The following ANK2 variants were observed in gnomAD, a reference collection of about 807,000 sequenced individuals.
ANK2 encodes the protein ankyrin-2.
Under a neutral mutation model 360.5 loss-of-function variants are expected in ANK2, and 83 were observed. The ratio of observed to expected loss-of-function variants is 0.23; its 90% CI spans 0.19 to 0.28. ANK2 has a LOEUF of 0.28. Among genes scored for constraint, ANK2 ranks in the 10% least tolerant of loss-of-function variants. The probability of loss-of-function intolerance (pLI) is 1.00; values close to 1 mark genes in which losing one functional copy is unlikely to be tolerated. For synonymous variants in ANK2, 1,740 were observed against 1,759.5 expected (o/e 0.99, Z 0.28); for missense variants, 4,201 against 4,795.7 (o/e 0.88, Z 3.66).
rs989939733 is a variant in ANK2, at chr4:112,900,765, G to A, written c.-39-3690G>A. Among the ~76,000 whole-genome samples the A allele has an allele frequency of 5.9e-5, 9 of 152,140 alleles. No homozygotes were observed. In the East Asian group the frequency reaches 1.5e-3, roughly 26 times the overall value. On this transcript the variant is annotated intron_variant, in intron 1 of 30. Transcript: ENST00000503271. ...ACTCAGCTTAAGTTTCATCACCTCT[G>A]TGAAGATTACCCTCCACCAAGCCCT...
chr4:112,788,698 T>C, the ANK2 span: 4 of 1,598,102 alleles, frequency 2.5e-6, no homozygotes, highest in Non-Finnish European at 3.4e-6. Context: ...TGCAACCTGA[T>C]ATAGCGGGGC....
chr4:113,084,120 C>T (rs555756075), intron 1 of ANK2, among the ~76,000 whole-genome samples: 1 of 152,308 alleles, frequency 6.6e-6, no homozygotes, highest in African/African-American at 2.4e-5. Context: ...TGACATCCAG[C>T]TGGTCCACTG....
chr4:113,287,698 A>G lies in ANK2; in HGVS notation c.2173A>G (p.Thr725Ala). 1 of 1,607,218 alleles carries G rather than the reference A, an allele frequency of 6.2e-7. No homozygotes were observed. Among genetic ancestry groups the G allele is most frequent in the Non-Finnish European group, 8.5e-7 (1 of 1,173,882 alleles). The change falls in exon 19 of 46, where the codon ACA (threonine) becomes GCA (alanine). Residue 725 changes from threonine (T) to alanine (A), a missense_variant. Thr to Ala is a moderately conservative substitution (Grantham distance 58, BLOSUM62 0). Around this residue, in one of 4 missense-constraint regions of ANK2, gnomAD observed 1,268 missense variants for 1,650.8 expected, o/e 0.77. Transcript: ENST00000357077. ...GCATGGAGCTGATCAGGATGCTCAT[A>G]CAAAGGTAAAGCAAATCACTCTCAG... Reference protein sequence around the residue: ...TKHGADQDAHTKLGYTPLIVA... With the variant: ...TKHGADQDAHAKLGYTPLIVA...
In ANK2 at chr4:113,314,650, G is replaced by C. The variant is rs146192191; in HGVS notation, c.2694-3057G>C. The stretch of plus-strand genomic sequence containing the variant: ...AGAGTGAACAATTTCTGATCCAAGG[G>C]CTTAAATTATTCCAGACCTTTGTCA... On this transcript the variant is annotated intron_variant, in intron 24 of 45. Coordinates refer to ENST00000357077, the MANE Select transcript of ANK2 (RefSeq NM_001148.6). Among the ~76,000 whole-genome samples the C allele has an allele frequency of 3.2e-3, 482 of 152,176 alleles. 1 individual carries two copies. Among genetic ancestry groups the C allele is most frequent in the African/African-American group, 0.011 (467 of 41,532 alleles).
intron 26 of ANK2, among the ~76,000 whole-genome samples, chr4:113,327,759 G>A (rs2090750497): frequency 6.6e-6 from 1 of 152,202 alleles, no homozygotes; most frequent in African/African-American, 2.4e-5. Context: ...CTTACACCAT[G>A]TACTTTGTGG....
chr4:112,774,563 C>A, the ANK2 span, among the ~76,000 whole-genome samples: 2 of 152,276 alleles, frequency 1.3e-5, no homozygotes, highest in East Asian at 3.9e-4. Flanking sequence ...GACTAACTAA[C>A]TCCTGTAAGC....
intron 1 of ANK2, among the ~76,000 whole-genome samples, chr4:112,861,839 C>CAGAGAGAGAGAAAGAGAGAGAG: frequency 7.1e-6 from 1 of 140,508 alleles, no homozygotes; most frequent in East Asian, 2.1e-4. Context: ...TACATAGAGA[C>CAGAGAGAGAGAAAGAGAGAGAG]AGAGAGAGAG....
chr4:113,008,438 A>C (rs761259083), intron 2 of ANK2, among the ~76,000 whole-genome samples: 1 of 152,196 alleles, frequency 6.6e-6, no homozygotes, highest in Non-Finnish European at 1.5e-5. Context: ...TAATTCTCCT[A>C]TTTGGAAGAA....
intron 1 of ANK2, among the ~76,000 whole-genome samples, chr4:113,165,201 G>A (rs1355117614): frequency 2.0e-5 from 3 of 152,082 alleles, no homozygotes; most frequent in African/African-American, 7.2e-5. Flanking sequence ...AAGAGATTGG[G>A]TCTGTGATAC....
the ANK2 span, among the ~76,000 whole-genome samples, chr4:112,715,254 A>G: frequency 6.6e-6 from 1 of 152,154 alleles, no homozygotes; most frequent in Admixed American, 6.5e-5. Context: ...GCAGAAGTAA[A>G]AGGCATCCTT....
intron 2 of ANK2, among the ~76,000 whole-genome samples, chr4:112,987,172 TC>T (rs1341363652): frequency 6.6e-6 from 1 of 152,186 alleles, no homozygotes; most frequent in East Asian, 1.9e-4. Flanking sequence ...GGGTCTATAT[TC>T]TCATCCTCTC....
chr4:112,740,477 G>C, the ANK2 span, among the ~76,000 whole-genome samples: 1 of 152,024 alleles, frequency 6.6e-6, no homozygotes, highest in Non-Finnish European at 1.5e-5. Context: ...GGCCGAGGTG[G>C]GTGAATCATG....
rs1585494394 is a variant in ANK2 at position 113,232,166 on chromosome 4, C to T, written c.390C>T (p.Gly130=). The change falls in exon 5 of 46, where the codon GGC becomes GGT. Residue 130 remains glycine, a synonymous_variant. Transcript: ENST00000357077. The part of the protein sequence containing the change: ...GANINAQSQN[G]FTPLYMAAQE... ...TTTTTATTGCTTGTCCTCAGAATGG[C>T]TTTACTCCTTTATACATGGCTGCCC... The T allele has an allele frequency of 6.3e-7, 1 of 1,584,948 alleles. No homozygotes were observed. Among genetic ancestry groups the T allele is most frequent in the Non-Finnish European group, 8.7e-7 (1 of 1,153,662 alleles).
In ANK2 at chr4:112,998,055, T is replaced by G. The variant is rs1215974558; in HGVS notation, c.21+93541T>G. 2.0e-5 allele frequency among the ~76,000 whole-genome samples: 3 copies of G among 152,014 alleles called. No individual in the cohort carries two copies. In the East Asian group the frequency reaches 5.8e-4, roughly 29 times the overall value. On this transcript the variant is annotated intron_variant, in intron 2 of 30. Coordinates refer to the ANK2 transcript ENST00000503271. ...TGGTCCTAAATGAGATGGTCTTAAT[T>G]CCTCACATTTTATTATCAGAAGCTA...
Position 113,357,906 on chromosome 4 carries a change from T to C in ANK2, c.9288T>C (p.Ser3096=). The change falls in exon 38 of 46, where the codon AGT becomes AGC. Residue 3096 remains serine (S), a synonymous_variant. Transcript: ENST00000357077. The stretch of plus-strand genomic sequence containing the variant: ...CAACTGAAGAGGGGACCCCAACAAG[T>C]GAGCAAAACCCATTTCTGTTTCAGG... The part of the protein sequence containing the change: ...RTPTEEGTPT[S]EQNPFLFQEG... 3 of 1,614,022 alleles carry C rather than the reference T, an allele frequency of 1.9e-6. No individual in the cohort carries two copies. The highest frequency in any genetic ancestry group is 2.5e-6 in the Non-Finnish European group (3 of 1,179,956).
chr4:113,344,965 A>T (rs2094675490), intron 34 of ANK2, among the ~76,000 whole-genome samples: 1 of 152,184 alleles, frequency 6.6e-6, no homozygotes, highest in Admixed American at 6.5e-5. Context: ...AGTTAGGAAG[A>T]TTAACAAGTT....
intron 4 of ANK2, among the ~76,000 whole-genome samples, chr4:113,211,418 T>C (rs914849859): frequency 1.3e-5 from 2 of 152,188 alleles, no homozygotes; most frequent in Admixed American, 1.3e-4. Context: ...TCATCTAAGA[T>C]GGATGTTTTG....
chr4:113,273,651 C>G (rs958263446), intron 14 of ANK2, among the ~76,000 whole-genome samples: 1 of 152,160 alleles, frequency 6.6e-6, no homozygotes, highest in Non-Finnish European at 1.5e-5. Context: ...AAGTTACACT[C>G]AATTTTCTTT....
At chr4:113,372,351 C>A (rs1270201348) in intron 43 of ANK2, among the ~76,000 whole-genome samples, 1 of 152,024 alleles carries the variant, frequency 6.6e-6, no homozygotes, top group Non-Finnish European at 1.5e-5. Context: ...AACAAAAAAC[C>A]AAAACACTCT....
Sources: gnomAD v4.1 joint callset for allele counts (sites outside exome capture counted in the v4.1 genomes callset) on GRCh38, gnomAD v4.1.1 for gene constraint, gnomAD v4.1.1 regional missense constraint, MANE v1.5 for transcripts, NCBI Gene and HGNC (gene_info 2026-07-23, HGNC 2026-07-21) for gene names.